THSD7A: variants seen among roughly 807,000 people sequenced by gnomAD.
THSD7A encodes the protein thrombospondin type-1 domain-containing protein 7A.
THSD7A carries 96 observed loss-of-function variants against 231.3 expected under a neutral mutation model. That is an observed-to-expected ratio of 0.41 (90% CI 0.35 to 0.49). The LOEUF (loss-of-function observed/expected upper bound fraction) is 0.49. Ranked by LOEUF, THSD7A falls within the 20% of genes least tolerant of loss-of-function variation. The pLI, the probability that THSD7A is intolerant of heterozygous loss-of-function variation, is 0.05. For synonymous variants in THSD7A, 940 were observed against 743.3 expected (o/e 1.26, Z -4.30); for missense variants, 2,290 against 2,070.2 (o/e 1.11, Z -2.06).
In THSD7A at chr7:11,632,048, C is replaced by A. The variant is rs1208938165; in HGVS notation, c.1022+4082G>T. 1.3e-5 allele frequency among the ~76,000 whole-genome samples: 2 copies of A among 152,028 alleles called. No individual in the cohort carries two copies. Among genetic ancestry groups the A allele is most frequent in the African/African-American group, 4.8e-5 (2 of 41,386 alleles). On this transcript the variant is annotated intron_variant, in intron 2 of 27. Coordinates refer to ENST00000423059, the MANE Select transcript of THSD7A (RefSeq NM_015204.3). This position sits in a 1 kb window ranked among gnomAD's most constrained non-coding sequence, Gnocchi z 4.1. ...TTTCTGTAAATGATGAGTGGCTGTG[C>A]CTAATCTGTTTGTATAAATATAATT...
chr7:11,471,926 G>A (rs889493020), intron 8 of THSD7A, among the ~76,000 whole-genome samples: 5 of 152,048 alleles, frequency 3.3e-5, no homozygotes, highest in African/African-American at 4.8e-5. Flanking sequence ...TTAACAATGA[G>A]AGAGCATTAC....
At chr7:11,513,260 A>G (rs1787893588) in intron 6 of THSD7A, among the ~76,000 whole-genome samples, 1 of 151,838 alleles carries the variant, frequency 6.6e-6, no homozygotes, top group African/African-American at 2.4e-5. Context: ...TCCACTAAAA[A>G]ACTTACTCAT....
At chr7:11,734,966 T>C (rs746933550) in intron 1 of THSD7A, among the ~76,000 whole-genome samples, 77 of 151,980 alleles carry the variant, frequency 5.1e-4, no homozygotes, top group Non-Finnish European at 9.6e-4. Flanking sequence ...CTGAAGACTG[T>C]ACTTATGGGA....
At chr7:11,450,890 C>T (rs780240870) in intron 11 of THSD7A, among the ~76,000 whole-genome samples, 17 of 151,838 alleles carry the variant, frequency 1.1e-4, no homozygotes, top group Non-Finnish European at 1.6e-4. Context: ...CAGTGAGATC[C>T]GCAAAAATCA....
chr7:11,611,840 GTCTA>G (rs570012898), intron 2 of THSD7A, among the ~76,000 whole-genome samples: 20,730 of 139,308 alleles, frequency 0.15, 1,689 homozygotes, highest in African/African-American at 0.22. Context: ...ACTATCATCT[GTCTA>G]TCTATCTATC....
intron 23 of THSD7A, among the ~76,000 whole-genome samples, chr7:11,396,763 C>G (rs2115345057): frequency 6.6e-6 from 1 of 152,322 alleles, no homozygotes; most frequent in East Asian, 1.9e-4. Flanking sequence ...AGAGGGACTC[C>G]TCCCTAACTC....
At chr7:11,619,243 C>T (rs1006675545) in intron 2 of THSD7A, among the ~76,000 whole-genome samples, 1 of 151,974 alleles carries the variant, frequency 6.6e-6, no homozygotes, top group African/African-American at 2.4e-5. Flanking sequence ...TCAATGACTA[C>T]AAGAAATGCC....
chr7:11,466,370 ACCT>A, intron 9 of THSD7A, among the ~76,000 whole-genome samples: 1 of 152,242 alleles, frequency 6.6e-6, no homozygotes, highest in East Asian at 1.9e-4. Flanking sequence ...AAAAAAACTA[ACCT>A]CATGCCATTT....
chr7:11,735,964 T>C (rs2128159110), intron 1 of THSD7A, among the ~76,000 whole-genome samples: 2 of 152,084 alleles, frequency 1.3e-5, no homozygotes. Context: ...GTGTATTTAC[T>C]TCTAGTGTTA....
intron 1 of THSD7A, among the ~76,000 whole-genome samples, chr7:11,676,949 C>T (rs1056746385): frequency 1.1e-4 from 16 of 152,044 alleles, no homozygotes; most frequent in African/African-American, 3.6e-4. Flanking sequence ...AGAAAAACAA[C>T]CCCAAGACAT....
chr7:11,634,592 TACAC>T lies in THSD7A; in HGVS notation c.1022+1534_1022+1537del, dbSNP rs55951004. On this transcript the variant is annotated intron_variant, in intron 2 of 27. Transcript: ENST00000423059. The surrounding 1 kb of genome is among the most constrained non-coding windows in gnomAD (Gnocchi z 4.1). ...AATATACATGATACAGAATCAGAGG[TACAC>T]ACACACACACACACATACACACACA... Among the ~76,000 whole-genome samples, 15 of 148,292 alleles carry T rather than the reference TACAC, an allele frequency of 1.0e-4. No homozygotes were observed. The highest frequency in any genetic ancestry group is 5.9e-4 in the East Asian group (3 of 5,092).
intron 4 of THSD7A, among the ~76,000 whole-genome samples, chr7:11,571,694 T>A (rs1214377116): frequency 6.6e-6 from 1 of 152,210 alleles, no homozygotes; most frequent in East Asian, 1.9e-4. Flanking sequence ...TTTCACCAAA[T>A]GTAGTCGTTC....
At chr7:11,721,060 T>C (rs1417612722) in intron 1 of THSD7A, among the ~76,000 whole-genome samples, 1 of 151,858 alleles carries the variant, frequency 6.6e-6, no homozygotes, top group African/African-American at 2.4e-5. Flanking sequence ...AGGTTTCTGA[T>C]TTAATCTCTA....
At chr7:11,727,689 T>C (rs960401698) in intron 1 of THSD7A, among the ~76,000 whole-genome samples, 4 of 151,954 alleles carry the variant, frequency 2.6e-5, no homozygotes, top group Non-Finnish European at 4.4e-5. Context: ...ACATTTGATA[T>C]TTCTAATATT....
chr7:11,611,020 G>A (rs186341361), intron 2 of THSD7A, among the ~76,000 whole-genome samples: 199 of 152,168 alleles, frequency 1.3e-3, no homozygotes, highest in Middle Eastern at 3.4e-3. Context: ...TGTTTGACAC[G>A]CTATAAGACA....
intron 13 of THSD7A, among the ~76,000 whole-genome samples, chr7:11,434,097 C>T (rs1258340398): frequency 6.6e-6 from 1 of 151,952 alleles, no homozygotes; most frequent in Non-Finnish European, 1.5e-5. Flanking sequence ...AAAGCATTCC[C>T]CTGCCTTCTC....
chr7:11,635,604 T>A (rs903358864), intron 2 of THSD7A, among the ~76,000 whole-genome samples: 2 of 152,176 alleles, frequency 1.3e-5, no homozygotes, highest in African/African-American at 4.8e-5. Flanking sequence ...CTGGTTGCTG[T>A]TTCCTTCTCT....
chr7:11,511,906 A>G (rs1210270326), intron 6 of THSD7A, among the ~76,000 whole-genome samples: 1 of 152,218 alleles, frequency 6.6e-6, no homozygotes, highest in Non-Finnish European at 1.5e-5. Flanking sequence ...ACCAAAAGCA[A>G]TGGCAACAAA....
chr7:11,822,045 A>G (rs192371226), intron 1 of THSD7A, among the ~76,000 whole-genome samples: 1 of 152,054 alleles, frequency 6.6e-6, no homozygotes, highest in Admixed American at 6.6e-5. Context: ...CCCTTTCCCA[A>G]TATGCTATTA....
Sources: gnomAD v4.1 joint callset for allele counts (sites outside exome capture counted in the v4.1 genomes callset) on GRCh38, gnomAD v4.1.1 for gene constraint, Gnocchi (gnomAD v3.1) non-coding constraint, MANE v1.5 for transcripts, NCBI Gene and HGNC (gene_info 2026-07-23, HGNC 2026-07-21) for gene names.